The following CTBP2 variants were observed in gnomAD, a reference collection of about 807,000 sequenced individuals.
The protein encoded by CTBP2 is C-terminal binding protein 2.
In CTBP2, 30 loss-of-function variants were observed where a neutral mutation model predicts 80.3. The ratio of observed to expected loss-of-function variants is 0.37; its 90% CI spans 0.28 to 0.51. The LOEUF is 0.51. Ranked by LOEUF, CTBP2 falls within the 20% of genes least tolerant of loss-of-function variation. CTBP2 has a pLI of 0.93. For synonymous variants in CTBP2, 594 were observed against 587.4 expected, an observed-to-expected ratio of 1.01 and a Z score of -0.16; for missense variants, 1,212 against 1,375.3, an observed-to-expected ratio of 0.88 and a Z score of 1.88.
chr10:125,076,782 G>C (rs147734203), intron 2 of CTBP2, among the ~76,000 whole-genome samples: 1 of 152,214 alleles, frequency 6.6e-6, no homozygotes, highest in Admixed American at 6.5e-5. Flanking sequence ...ACTCTGGCAA[G>C]AGATGGCTCG....
intron 1 of CTBP2, among the ~76,000 whole-genome samples, chr10:125,151,806 G>A (rs976237274): frequency 4.6e-5 from 7 of 152,108 alleles, no homozygotes; most frequent in Non-Finnish European, 1.0e-4. Flanking sequence ...GAGAGGGGCC[G>A]GCGACCCTGC....
Position 124,985,043 on chromosome 10 carries a change from T to TA in CTBP2, c.*4474dup. ...CAAGGCATCAGATCTGTAATGACCC[T>TA]AAAGTTAGTGTGGTGCTCCAAGCAG... On this transcript the variant is annotated 3_prime_UTR_variant, in exon 9 of 9. Transcript: ENST00000309035. The TA allele has an allele frequency of 7.1e-7, 1 of 1,411,770 alleles. No homozygotes were observed. Among genetic ancestry groups the TA allele is most frequent in the African/African-American group, 1.4e-5 (1 of 70,212 alleles). The allele number at this position is 1,411,770 out of a possible 1,614,324, so 87.5% of individuals were successfully genotyped here.
intron 2 of CTBP2, among the ~76,000 whole-genome samples, chr10:125,077,360 G>C (rs538041838): frequency 5.9e-5 from 9 of 152,270 alleles, no homozygotes; most frequent in African/African-American, 2.2e-4. Flanking sequence ...GGTTTCTGCA[G>C]AGTTGGTTTC....
chr10:125,042,670 C>T (rs968672648), intron 2 of CTBP2, among the ~76,000 whole-genome samples: 10 of 152,010 alleles, frequency 6.6e-5, no homozygotes, highest in Non-Finnish European at 1.0e-4. Context: ...GCAGTGAGGA[C>T]CAGCCAGTGA....
Position 125,063,614 on chromosome 10 carries a change from A to C in CTBP2, c.-101-24459T>G, listed in dbSNP as rs567295696. Among the ~76,000 whole-genome samples the C allele has an allele frequency of 1.2e-4, 18 of 152,346 alleles. 1 individual carries two copies. In the South Asian group the frequency reaches 3.7e-3, roughly 32 times the overall value. ...AATTAATTGCCACATAAAATTGCTG[A>C]TTCCTACCAAATGAAGCTGTACGAT... On this transcript the variant is annotated intron_variant, in intron 2 of 10. Transcript: ENST00000337195.
chr10:124,994,825 TG>T (rs1953242299), intron 4 of CTBP2, 142 bp from the exon 7 acceptor site: 1 of 844,868 alleles, frequency 1.2e-6, no homozygotes, highest in Admixed American at 2.3e-5. Flanking sequence ...CAAAGCTTAG[TG>T]AGGCCTGAGG....
At chr10:125,051,314 C>A (rs1309202994) in intron 2 of CTBP2, among the ~76,000 whole-genome samples, 1 of 152,178 alleles carries the variant, frequency 6.6e-6, no homozygotes, top group Non-Finnish European at 1.5e-5. Flanking sequence ...CATTTATGGT[C>A]TTGATGTCAA....
At chr10:125,032,240 G>A (rs1396937422), upstream of CTBP2, among the ~76,000 whole-genome samples, 3 of 152,206 alleles carry the variant, frequency 2.0e-5, no homozygotes, top group Non-Finnish European at 4.4e-5. Context: ...GACAGCACCC[G>A]GCACAAGACG....
At chr10:125,010,167 G>A (rs1955710145) in intron 1 of CTBP2, among the ~76,000 whole-genome samples, 2 of 144,070 alleles carry the variant, frequency 1.4e-5, no homozygotes, top group African/African-American at 5.3e-5. Flanking sequence ...GCAGCTTCAA[G>A]GCATAATTTG....
intron 3 of CTBP2, chr10:124,998,533 T>G: frequency 3.0e-6 from 1 of 331,168 alleles, no homozygotes; most frequent in Non-Finnish European, 5.7e-6. Flanking sequence ...ACCAGACTCC[T>G]CCAAGTGGAC....
chr10:125,048,623 G>A (rs1003858660), intron 2 of CTBP2, among the ~76,000 whole-genome samples: 1 of 152,126 alleles, frequency 6.6e-6, no homozygotes, highest in Non-Finnish European at 1.5e-5. Flanking sequence ...CCCTGCCCAG[G>A]GTGTGGAGTC....
chr10:125,033,594 C>T (rs1369381721), intron 3 of CTBP2, among the ~76,000 whole-genome samples: 1 of 152,172 alleles, frequency 6.6e-6, no homozygotes. Context: ...GAAGGTTCTC[C>T]GCATTCGTGC....
intron 1 of CTBP2, among the ~76,000 whole-genome samples, chr10:125,113,481 C>CTA (rs1334874918): frequency 6.6e-6 from 1 of 152,198 alleles, no homozygotes; most frequent in Admixed American, 6.5e-5. Flanking sequence ...ATTTATACTC[C>CTA]TGATTAGTGT....
chr10:124,997,154 T>C (rs760013379), intron 4 of CTBP2: 3 of 152,204 alleles, frequency 2.0e-5, no homozygotes, highest in African/African-American at 7.2e-5. Flanking sequence ...CGTGTGCACA[T>C]GCGCCTTCTT....
intron 1 of CTBP2, among the ~76,000 whole-genome samples, chr10:125,008,116 T>G (rs1955463139): frequency 6.6e-6 from 1 of 152,134 alleles, no homozygotes; most frequent in Non-Finnish European, 1.5e-5. Flanking sequence ...CTGGCTAATT[T>G]TGTATTTTTA....
intron 8 of CTBP2, among the ~76,000 whole-genome samples, chr10:124,991,328 A>T (rs889720156): frequency 6.6e-5 from 10 of 152,172 alleles, no homozygotes; most frequent in African/African-American, 2.4e-4. Flanking sequence ...TCCCTTCCTC[A>T]GTGCACACAT....
Position 125,115,022 on chromosome 10 carries a change from GCTC to G in CTBP2, c.-205-3932_-205-3930del, listed in dbSNP as rs571512283. 2.6e-5 allele frequency among the ~76,000 whole-genome samples: 4 copies of G among 152,228 alleles called. 1 individual carries two copies. ...TTGAACTCACATTTTGGCTGTCTAG[GCTC>G]CTCCTCCTACTACTGTCCCGCCGTG... On this transcript the variant is annotated intron_variant, in intron 1 of 10. Transcript: ENST00000337195.
chr10:125,134,616 G>A (rs1856673042), intron 1 of CTBP2, among the ~76,000 whole-genome samples: 1 of 152,164 alleles, frequency 6.6e-6, no homozygotes, highest in Admixed American at 6.5e-5. Context: ...AACCAGGCTG[G>A]CAGGCCCCTC....
At chr10:125,142,602 G>A (rs1387172337) in intron 1 of CTBP2, among the ~76,000 whole-genome samples, 1 of 152,190 alleles carries the variant, frequency 6.6e-6, no homozygotes, top group Non-Finnish European at 1.5e-5. Context: ...GCTAAAGGGT[G>A]TTTTACTGTA....
Sources: allele counts gnomAD v4.1 joint callset (sites outside exome capture counted in the v4.1 genomes callset), GRCh38; gene constraint gnomAD v4.1.1; transcripts MANE v1.5; gene names NCBI Gene and HGNC (gene_info 2026-07-23, HGNC 2026-07-21).